Variants in NTS observed in about 807,000 individuals in gnomAD.
NTS encodes the protein neurotensin/neuromedin N.
NTS carries 20 observed loss-of-function variants against 19.5 expected under a neutral mutation model. That is an observed-to-expected ratio of 1.02 (90% CI 0.72 to 1.49). NTS has a LOEUF of 1.49. Ranked by LOEUF, NTS falls within the 40% of genes most tolerant of loss-of-function variation. NTS has a pLI of 0.00. For synonymous variants in NTS, 71 were observed against 63.3 expected (o/e 1.12, Z -0.58); for missense variants, 215 against 193.1 (o/e 1.11, Z -0.67).
chr12:85,880,878 A>C (rs1010321693), intron 3 of NTS, among the ~76,000 whole-genome samples: 3 of 152,108 alleles, frequency 2.0e-5, no homozygotes, highest in African/African-American at 4.8e-5. Flanking sequence ...CCTGAACCCG[A>C]GAGGTGGAGC....
chr12:85,877,152 A>G (rs1199123027), intron 2 of NTS, among the ~76,000 whole-genome samples: 1 of 152,152 alleles, frequency 6.6e-6, no homozygotes, highest in African/African-American at 2.4e-5. Context: ...GGGGATAGCA[A>G]TGGACTGGTA....
chr12:85,882,366 C>A lies in NTS; in HGVS notation c.504C>A (p.Tyr168Ter). The change falls in exon 4 of 4, where the codon TAC (tyrosine) becomes TAA (stop). Residue 168 changes from tyrosine to a stop codon, truncating the protein, a stop_gained. Transcript: ENST00000256010. LOFTEE classifies it high-confidence loss of function. ...RRPYILKRDS[Y>*]YY ...CCTACATACTCAAAAGAGATTCTTA[C>A]TATTACTGAGAGAATAAATCATTTA... 1 of 1,564,720 alleles carries A rather than the reference C, an allele frequency of 6.4e-7. No individual in the cohort carries two copies. The highest frequency in any genetic ancestry group is 8.6e-7 in the Non-Finnish European group (1 of 1,162,308).
At chr12:85,879,323 A>ATAT (rs376804099) in intron 3 of NTS, among the ~76,000 whole-genome samples, 3 of 104 alleles carry the variant, frequency 0.029, no homozygotes, top group Non-Finnish European at 0.033. Flanking sequence ...AAATATATTT[A>ATAT]ATGTATATTT....
intron 3 of NTS, among the ~76,000 whole-genome samples, 166 bp from the exon 4 acceptor site, chr12:85,882,057 G>T (rs375541610): frequency 9.9e-5 from 15 of 151,446 alleles, no homozygotes; most frequent in African/African-American, 3.4e-4. Flanking sequence ...CCACTGAATG[G>T]CCGTCTCTCC....
At chr12:85,881,685 A>C (rs1441427124) in intron 3 of NTS, among the ~76,000 whole-genome samples, 1 of 152,208 alleles carries the variant, frequency 6.6e-6, no homozygotes, top group African/African-American at 2.4e-5. Context: ...AGTTGGATAA[A>C]GCAACTTTCA....
chr12:85,879,789 AT>A (rs1013950634), intron 3 of NTS, among the ~76,000 whole-genome samples: 1 of 122,964 alleles, frequency 8.1e-6, no homozygotes, highest in Admixed American at 8.1e-5. Flanking sequence ...TTTTTTGTAT[AT>A]TTTTGTATAT....
Position 85,882,287 on chromosome 12 carries a change from G to C in NTS, c.425G>C (p.Arg142Thr), listed in dbSNP as rs1391465929. The stretch of plus-strand genomic sequence containing the variant: ...AATGGAAAGGAAGAAGTCATAAAGA[G>C]AAAAATTCCTTATATTCTGAAACGG... ...DKNGKEEVIK[R>T]KIPYILKRQL... The change falls in exon 4 of 4, where the codon AGA (arginine) becomes ACA (threonine). Residue 142 changes from arginine to threonine, a missense_variant. Arg to Thr is a moderately conservative substitution (Grantham distance 71). Transcript: ENST00000256010. 3 of 1,608,832 alleles carry C rather than the reference G, an allele frequency of 1.9e-6. No homozygotes were observed.
intron 2 of NTS, among the ~76,000 whole-genome samples, chr12:85,877,159 G>A (rs987525767): frequency 6.6e-6 from 1 of 152,192 alleles, no homozygotes; most frequent in East Asian, 1.9e-4. Context: ...GCAATGGACT[G>A]GTAAGCAGGA....
At chr12:85,880,616 TATTG>T (rs1255150381) in intron 3 of NTS, among the ~76,000 whole-genome samples, 3 of 152,206 alleles carry the variant, frequency 2.0e-5, no homozygotes, top group Admixed American at 6.5e-5. Flanking sequence ...TTTAATTTAC[TATTG>T]ATTATTTAAT....
intron 2 of NTS, among the ~76,000 whole-genome samples, chr12:85,877,375 T>A (rs1003180317): frequency 2.0e-5 from 3 of 151,562 alleles, no homozygotes; most frequent in Non-Finnish European, 4.4e-5. Context: ...ATTCTCCCTA[T>A]AACAAACATG....
chr12:85,881,117 TTGAG>T (rs1881493160), intron 3 of NTS, among the ~76,000 whole-genome samples: 1 of 152,192 alleles, frequency 6.6e-6, no homozygotes, highest in South Asian at 2.1e-4. Context: ...TTAAATGTTA[TTGAG>T]TGATTTAAAA....
At position 85,880,071 on chromosome 12, in the gene NTS, A is replaced by T. The variant is rs1881467967; in HGVS notation, c.360+1502A>T. ...TTTTGTATTTGAATATATTAGGAAA[A>T]TAAAAATATTTTTTAATTTATATAA... On this transcript the variant is annotated intron_variant, in intron 3 of 3. Coordinates refer to ENST00000256010, the MANE Select transcript of NTS (RefSeq NM_006183.5). Among the ~76,000 whole-genome samples, 8 of 150,472 alleles carry T rather than the reference A, an allele frequency of 5.3e-5. No individual in the cohort carries two copies. The South Asian group carries it at 1.7e-3, about 31-fold the overall frequency.
intron 3 of NTS, among the ~76,000 whole-genome samples, chr12:85,878,852 G>C: frequency 6.6e-6 from 1 of 151,926 alleles, no homozygotes; most frequent in East Asian, 1.9e-4. Flanking sequence ...GGCATGTTTA[G>C]ACAATTTTTG....
rs770134410 is a variant in NTS, at chr12:85,874,449, G to T, written c.46G>T (p.Ala16Ser). ...KIQLVCMLLL[A>S]FSSWSLCSDS... ...CCAGCTTGTATGCATGCTACTCCTG[G>T]CTTTCAGCTCCTGGAGTCTGTGCTC... Residue 16 changes from alanine (A) to serine (S), a missense_variant, in exon 1 of 4, where the codon GCT (alanine) becomes TCT (serine). Physicochemically the swap from Ala to Ser is moderately conservative, Grantham distance 99. Transcript: ENST00000256010. 3 of 1,613,236 alleles carry T rather than the reference G, an allele frequency of 1.9e-6. No homozygotes were observed. Among genetic ancestry groups the T allele is most frequent in the Non-Finnish European group, 2.5e-6 (3 of 1,179,412 alleles).
At chr12:85,879,621 TATATTTTATG>T (rs1881451098) in intron 3 of NTS, among the ~76,000 whole-genome samples, 2 of 113,178 alleles carry the variant, frequency 1.8e-5, no homozygotes, top group Non-Finnish European at 1.8e-5. Context: ...ATATTTTTTG[TATATTTTATG>T]TATATTTTAT....
intron 3 of NTS, among the ~76,000 whole-genome samples, chr12:85,881,993 A>G (rs1236548966): frequency 2.0e-5 from 3 of 151,924 alleles, no homozygotes; most frequent in Non-Finnish European, 4.4e-5. Context: ...AGCCTGGTGA[A>G]CTAGGAAGAA....
chr12:85,876,739 A>G (rs749486418), intron 2 of NTS, 38 bp downstream of exon 2: 4 of 1,116,678 alleles, frequency 3.6e-6, no homozygotes, highest in East Asian at 2.5e-5. Context: ...GTTGAAGAAC[A>G]TATGAACTTT....
rs1881516427 is a variant in NTS at position 85,882,167 on chromosome 12, C to T, written c.361-56C>T. 2.9e-6 allele frequency: 4 copies of T among 1,375,820 alleles called. No homozygotes were observed. The African/African-American group carries it at 5.9e-5, about 20-fold the overall frequency. 85.2% of individuals were successfully genotyped at this position (1,375,820 alleles called of 1,614,324 possible). The stretch of plus-strand genomic sequence containing the variant: ...ATGAGATAGAATGTAGAAAAATGCT[C>T]TGAAACAAAAGAGTTTATTCATGTA... On this transcript the variant is annotated intron_variant, in intron 3 of 3. Coordinates refer to ENST00000256010, the MANE Select transcript of NTS (RefSeq NM_006183.5).
chr12:85,880,742 A>G (rs985539450), intron 3 of NTS, among the ~76,000 whole-genome samples: 19 of 152,102 alleles, frequency 1.2e-4, no homozygotes, highest in African/African-American at 3.1e-4. Flanking sequence ...CACGAGGTCA[A>G]GAGATGGAGA....
Sources: allele counts gnomAD v4.1 joint callset (sites outside exome capture counted in the v4.1 genomes callset), GRCh38; gene constraint gnomAD v4.1.1; transcripts MANE v1.5; gene names NCBI Gene and HGNC (gene_info 2026-07-23, HGNC 2026-07-21).